Variants in CHSY3 observed in about 807,000 individuals in gnomAD.
CHSY3 encodes N-acetylgalactosaminyl-proteoglycan 3-beta-glucuronosyltransferase 3.
CHSY3 carries 35 observed loss-of-function variants against 67.2 expected under a neutral mutation model. The observed-to-expected ratio is 0.52, with a 90% CI of 0.40 to 0.69. The LOEUF (loss-of-function observed/expected upper bound fraction) is 0.69, where lower values mean the gene tolerates loss of function less well. Among genes scored for constraint, CHSY3 ranks in the 30% least tolerant of loss-of-function variants. The probability of loss-of-function intolerance (pLI) is 0.00; values close to 1 mark genes in which losing one functional copy is unlikely to be tolerated. For missense variants in CHSY3, 1,069 were observed against 1,138.5 expected (o/e 0.94, Z 0.88); for synonymous variants, 474 against 434.7 (o/e 1.09, Z -1.12).
At chr5:130,020,599 G>C (rs933058039) in intron 2 of CHSY3, among the ~76,000 whole-genome samples, 3 of 138,916 alleles carry the variant, frequency 2.2e-5, no homozygotes, top group African/African-American at 7.8e-5. Context: ...TCTCCGTTCA[G>C]GACCATGTGT....
intron 1 of CHSY3, 171 bp downstream of exon 1, chr5:129,905,802 G>A (rs1360776632): frequency 3.7e-6 from 5 of 1,358,002 alleles, no homozygotes; most frequent in Admixed American, 3.0e-5. Flanking sequence ...ACAATTCGTA[G>A]CCCGTTCCTC....
chr5:130,020,452 TATATATATA>T (rs1226566057), intron 2 of CHSY3, among the ~76,000 whole-genome samples: 83 of 2,988 alleles, frequency 0.028, 1 homozygote, highest in Non-Finnish European at 0.056. Context: ...TATATATATA[TATATATATA>T]TTTTTTTTTT....
At chr5:130,054,873 C>G (rs948186195) in intron 2 of CHSY3, among the ~76,000 whole-genome samples, 1 of 152,158 alleles carries the variant, frequency 6.6e-6, no homozygotes, top group Non-Finnish European at 1.5e-5. Context: ...AGTTTGTCCT[C>G]TAGGTATGGA....
At position 129,904,658 on chromosome 5, in the gene CHSY3, G is replaced by A. The variant is rs1463989116; in HGVS notation, c.-172G>A. The A allele has an allele frequency of 6.6e-6, 7 of 1,063,802 alleles. No individual in the cohort carries two copies. Among genetic ancestry groups the A allele is most frequent in the Non-Finnish European group, 7.1e-6 (6 of 843,340 alleles). 65.9% of individuals were successfully genotyped at this position (1,063,802 alleles called of 1,614,324 possible). The stretch of plus-strand genomic sequence containing the variant: ...GGAGCCCGGCAGGCAGCTGCAGCCC[G>A]CGGCAGTCGAGGCGTCCGCGGCGCT... On this transcript the variant is annotated 5_prime_UTR_variant, in exon 1 of 3. Coordinates refer to ENST00000305031, the MANE Select transcript of CHSY3 (RefSeq NM_175856.5).
intron 2 of CHSY3, among the ~76,000 whole-genome samples, chr5:129,984,763 C>G (rs1021621469): frequency 6.6e-6 from 1 of 152,010 alleles, no homozygotes; most frequent in African/African-American, 2.4e-5. Context: ...TTGCATATGC[C>G]TAATGATTAG....
At chr5:129,945,011 C>A (rs114615184) in intron 2 of CHSY3, among the ~76,000 whole-genome samples, 1,543 of 152,244 alleles carry the variant, frequency 0.01, 27 homozygotes, top group African/African-American at 0.035. Flanking sequence ...CACTTATATT[C>A]CAGGCTAAGA....
At chr5:130,089,313 G>A (rs1248111795) in intron 2 of CHSY3, among the ~76,000 whole-genome samples, 1 of 151,246 alleles carries the variant, frequency 6.6e-6, no homozygotes, top group African/African-American at 2.4e-5. Flanking sequence ...CATGGCACAT[G>A]TATACATATG....
chr5:129,999,610 A>C (rs1341102660), intron 2 of CHSY3, among the ~76,000 whole-genome samples: 1 of 152,094 alleles, frequency 6.6e-6, no homozygotes, highest in South Asian at 2.1e-4. Flanking sequence ...TTTTCCCTAT[A>C]GTCTCATTTT....
intron 2 of CHSY3, among the ~76,000 whole-genome samples, chr5:130,039,955 A>C (rs2149664718): frequency 6.6e-6 from 1 of 152,188 alleles, no homozygotes; most frequent in South Asian, 2.1e-4. Context: ...CGTGTGTCTA[A>C]GTTGCTTAAA....
At chr5:129,964,683 T>C (rs1762424240) in intron 2 of CHSY3, among the ~76,000 whole-genome samples, 1 of 151,902 alleles carries the variant, frequency 6.6e-6, no homozygotes, top group African/African-American at 2.4e-5. Context: ...GCAAATAGTA[T>C]GTAGAGAATC....
chr5:130,050,841 T>C (rs1765320611), intron 2 of CHSY3, among the ~76,000 whole-genome samples: 1 of 152,124 alleles, frequency 6.6e-6, no homozygotes, highest in Non-Finnish European at 1.5e-5. Context: ...CACATTCAGC[T>C]ACACATGAAA....
At chr5:129,934,159 A>G (rs1761412053) in intron 2 of CHSY3, among the ~76,000 whole-genome samples, 1 of 152,178 alleles carries the variant, frequency 6.6e-6, no homozygotes, top group Admixed American at 6.5e-5. Flanking sequence ...AGACAAAATT[A>G]TAAAAAATGA....
intron 1 of CHSY3, 95 bp downstream of exon 1, chr5:129,905,726 T>A: frequency 6.5e-7 from 1 of 1,533,254 alleles, no homozygotes. Flanking sequence ...CCGCTGCTTC[T>A]CTGCCAGCAC....
intron 2 of CHSY3, among the ~76,000 whole-genome samples, chr5:130,021,506 G>A (rs923239852): frequency 3.3e-5 from 5 of 152,022 alleles, no homozygotes; most frequent in Non-Finnish European, 5.9e-5. Flanking sequence ...AGTTTCCATG[G>A]CAATGGAGCT....
chr5:129,987,452 AG>A (rs1233132929), intron 2 of CHSY3, among the ~76,000 whole-genome samples: 1 of 152,242 alleles, frequency 6.6e-6, no homozygotes, highest in African/African-American at 2.4e-5. Flanking sequence ...AATTAATAAC[AG>A]GAGATGTTTC....
intron 2 of CHSY3, among the ~76,000 whole-genome samples, chr5:130,145,753 C>CA (rs1014084603): frequency 1.3e-5 from 2 of 151,366 alleles, no homozygotes; most frequent in African/African-American, 4.9e-5. Context: ...AACTCAACAG[C>CA]AAAAAAACTA....
chr5:130,073,666 A>C (rs551629249), intron 2 of CHSY3, among the ~76,000 whole-genome samples: 140 of 152,314 alleles, frequency 9.2e-4, no homozygotes, highest in African/African-American at 3.2e-3. Context: ...GATTACAGGC[A>C]TGAGCCCCTG....
intron 2 of CHSY3, among the ~76,000 whole-genome samples, chr5:129,940,968 C>T (rs944772363): frequency 6.6e-6 from 1 of 152,006 alleles, no homozygotes; most frequent in African/African-American, 2.4e-5. Flanking sequence ...CCTATTATCC[C>T]AGCACTTTGG....
chr5:130,002,089 AGGT>A lies in CHSY3; in HGVS notation c.1086+93734_1086+93736del, dbSNP rs1037648230. 3.0e-5 allele frequency: 29 copies of A among 954,676 alleles called. No homozygotes were observed. In the African/African-American group the frequency reaches 4.8e-4, roughly 16 times the overall value. The allele number at this position is 954,676 out of a possible 1,614,324, so 59.1% of individuals were successfully genotyped here. On this transcript the variant is annotated intron_variant, in intron 2 of 2. Transcript: ENST00000305031. The stretch of plus-strand genomic sequence containing the variant: ...ATGAAATTCTGTTGCCTATAAACAA[AGGT>A]GGTGCTTGGTGGCCTTCTTCTGTGT...
Sources: allele counts gnomAD v4.1 joint callset (sites outside exome capture counted in the v4.1 genomes callset), GRCh38; gene constraint gnomAD v4.1.1; transcripts MANE v1.5; gene names NCBI Gene and HGNC (gene_info 2026-07-23, HGNC 2026-07-21).